Variants in CLSTN2 observed in about 807,000 individuals in gnomAD.
CLSTN2 encodes calsyntenin-2.
Under a neutral mutation model 101.2 loss-of-function variants are expected in CLSTN2, and 48 were observed. That is an observed-to-expected ratio of 0.47 (90% CI 0.38 to 0.60). The LOEUF (loss-of-function observed/expected upper bound fraction) is 0.60. Ranked by LOEUF, CLSTN2 falls within the 20% of genes least tolerant of loss-of-function variation. CLSTN2 has a pLI of 0.00. For synonymous variants in CLSTN2, 481 were observed against 463.6 expected (o/e 1.04, Z -0.48); for missense variants, 1,160 against 1,238.2 (o/e 0.94, Z 0.95).
chr3:139,982,518 C>T (rs1228435187), intron 1 of CLSTN2, among the ~76,000 whole-genome samples: 3 of 152,024 alleles, frequency 2.0e-5, no homozygotes, highest in African/African-American at 7.2e-5. Flanking sequence ...CTCAGAGAGG[C>T]TTCTTTATTT....
chr3:140,169,559 G>A lies in CLSTN2; in HGVS notation c.110-6392G>A, dbSNP rs138533242. Among the ~76,000 whole-genome samples the A allele has an allele frequency of 1.5e-3, 224 of 152,246 alleles. 1 individual carries two copies. Among genetic ancestry groups the A allele is most frequent in the African/African-American group, 5.2e-3 (216 of 41,566 alleles). The stretch of plus-strand genomic sequence containing the variant: ...TATTCTTCCTGTTCTTGGAAGGAAA[G>A]CATTTATTCTTTCACCATTAAGTAT... On this transcript the variant is annotated intron_variant, in intron 1 of 16. Transcript: ENST00000458420.
chr3:140,329,123 A>G (rs2087358262), intron 2 of CLSTN2, among the ~76,000 whole-genome samples: 1 of 152,190 alleles, frequency 6.6e-6, no homozygotes, highest in African/African-American at 2.4e-5. Context: ...ATGGTGGCTT[A>G]TGCCTGTAAT....
intron 1 of CLSTN2, among the ~76,000 whole-genome samples, chr3:140,095,031 T>C (rs2008846013): frequency 6.6e-6 from 1 of 152,206 alleles, no homozygotes; most frequent in South Asian, 2.1e-4. Flanking sequence ...GTAGATTTTA[T>C]TGATGGCATG....
At chr3:140,344,567 G>A (rs909716034) in intron 2 of CLSTN2, among the ~76,000 whole-genome samples, 12 of 152,056 alleles carry the variant, frequency 7.9e-5, no homozygotes, top group African/African-American at 2.9e-4. Flanking sequence ...CCTTTGACCT[G>A]AAATACCCTC....
At chr3:140,529,772 C>A (rs1192741062) in intron 8 of CLSTN2, among the ~76,000 whole-genome samples, 1 of 152,330 alleles carries the variant, frequency 6.6e-6, no homozygotes, top group Non-Finnish European at 1.5e-5. Flanking sequence ...AGCATTCCTA[C>A]CTTTGACTCT....
Position 140,404,636 on chromosome 3 carries a change from G to A in CLSTN2, c.507G>A (p.Val169=). Residue 169 remains valine, a synonymous_variant, in exon 4 of 17, where the codon GTG becomes GTA. Coordinates refer to ENST00000458420, the MANE Select transcript of CLSTN2 (RefSeq NM_022131.3). ...AAGAGCCAGCCTACAAGGCTGTTGTGACGGAGGGCAAGATCTATGACAGCA... is the reference window on the plus strand; with the variant it reads ...AAGAGCCAGCCTACAAGGCTGTTGTAACGGAGGGCAAGATCTATGACAGCA... ...TFKEPAYKAV[V]TEGKIYDSIL... is the part of the protein sequence containing the mutation. 1.2e-6 allele frequency: 2 copies of A among 1,614,216 alleles called. No homozygotes were observed. Among genetic ancestry groups the A allele is most frequent in the Non-Finnish European group, 1.7e-6 (2 of 1,180,032 alleles).
chr3:139,969,575 A>C (rs1269899394), intron 1 of CLSTN2, among the ~76,000 whole-genome samples: 1 of 152,102 alleles, frequency 6.6e-6, no homozygotes, highest in Non-Finnish European at 1.5e-5. Flanking sequence ...CCATCACTGC[A>C]CCCACCTGTC....
chr3:140,344,499 A>C (rs2087523399), intron 2 of CLSTN2, among the ~76,000 whole-genome samples: 2 of 152,174 alleles, frequency 1.3e-5, no homozygotes, highest in African/African-American at 4.8e-5. Flanking sequence ...TATCACACCC[A>C]GTCCCTTTTC....
chr3:140,075,675 G>T (rs560609599), intron 1 of CLSTN2, among the ~76,000 whole-genome samples: 1 of 152,160 alleles, frequency 6.6e-6, no homozygotes, highest in African/African-American at 2.4e-5. Context: ...GTGTCAAGAA[G>T]CTATTATGTG....
At chr3:140,028,908 G>GCCTTA (rs1352817833) in intron 1 of CLSTN2, among the ~76,000 whole-genome samples, 1 of 152,100 alleles carries the variant, frequency 6.6e-6, no homozygotes, top group Admixed American at 6.5e-5. Flanking sequence ...CTCCACTGCT[G>GCCTTA]GTGCCCTAGT....
intron 1 of CLSTN2, among the ~76,000 whole-genome samples, chr3:140,131,337 AT>A (rs1371751706): frequency 1.3e-5 from 2 of 151,860 alleles, no homozygotes; most frequent in Non-Finnish European, 2.9e-5. Context: ...CTCTAAGGTC[AT>A]TTTTTGGCTC....
In CLSTN2 at chr3:140,147,919, C is replaced by T. The variant is rs1378815662; in HGVS notation, c.110-28032C>T. Among the ~76,000 whole-genome samples, 6 of 152,346 alleles carry T rather than the reference C, an allele frequency of 3.9e-5. No homozygotes were observed. In the South Asian group the frequency reaches 1.2e-3, roughly 32 times the overall value. On this transcript the variant is annotated intron_variant, in intron 1 of 16. Coordinates refer to ENST00000458420, the MANE Select transcript of CLSTN2 (RefSeq NM_022131.3). The stretch of plus-strand genomic sequence containing the variant: ...AGAGAATGTCACTGAGGTCAGATAA[C>T]TTGCCTGAATTCATCTTGTATGAGT...
At position 140,571,419 on chromosome 3, in the gene CLSTN2, G is replaced by A. The variant is rs1985545932; in HGVS notation, c.*5166G>A. 6.6e-6 allele frequency: 1 copy of A among 152,214 alleles called. No individual in the cohort carries two copies. The highest frequency in any genetic ancestry group is 1.9e-4 in the East Asian group (1 of 5,196). The allele number at this position is 152,214 out of a possible 1,614,324, so 9.4% of individuals were successfully genotyped here. A position where few individuals can be genotyped will look rare whatever the true frequency, so the allele number is the denominator to read the frequency against. On this transcript the variant is annotated 3_prime_UTR_variant, in exon 17 of 17. Transcript: ENST00000458420. The stretch of plus-strand genomic sequence containing the variant: ...ATAGTTTTTACAAAAAAGTAGGTAA[G>A]TGGGTTTAATTCTTTGAAAGTATTT...
At chr3:139,971,118 G>C (rs1054065759) in intron 1 of CLSTN2, among the ~76,000 whole-genome samples, 15 of 152,180 alleles carry the variant, frequency 9.9e-5, no homozygotes, top group Admixed American at 8.5e-4. Context: ...TTTGATGCCA[G>C]AGAAAAGAAG....
intron 8 of CLSTN2, among the ~76,000 whole-genome samples, chr3:140,490,600 A>G (rs1052763467): frequency 1.3e-5 from 2 of 151,244 alleles, no homozygotes; most frequent in Non-Finnish European, 3.0e-5. Flanking sequence ...GTCTCAGAAA[A>G]AAAAAAAAAA....
At chr3:140,374,953 G>A (rs537148273) in intron 2 of CLSTN2, among the ~76,000 whole-genome samples, 4 of 152,314 alleles carry the variant, frequency 2.6e-5, no homozygotes, top group African/African-American at 9.6e-5. Context: ...TAAAGCCTTT[G>A]CATTTTGCAG....
chr3:140,063,731 C>G (rs757350071), intron 1 of CLSTN2, among the ~76,000 whole-genome samples: 1 of 152,186 alleles, frequency 6.6e-6, no homozygotes, highest in Non-Finnish European at 1.5e-5. Context: ...CCTTCAGTAT[C>G]TTGTCACCCT....
chr3:140,241,062 T>C (rs945557873), intron 2 of CLSTN2, among the ~76,000 whole-genome samples: 3 of 152,140 alleles, frequency 2.0e-5, no homozygotes, highest in Non-Finnish European at 4.4e-5. Context: ...AGCTTAGAAA[T>C]CGTGACTTGT....
rs1161245547 is a variant in CLSTN2 at position 140,381,291 on chromosome 3, A to T, written c.233-22338A>T. Among the ~76,000 whole-genome samples, 5 of 152,034 alleles carry T rather than the reference A, an allele frequency of 3.3e-5. No individual in the cohort carries two copies. The East Asian group carries it at 9.6e-4, about 29-fold the overall frequency. On this transcript the variant is annotated intron_variant, in intron 2 of 16. Coordinates refer to ENST00000458420, the MANE Select transcript of CLSTN2 (RefSeq NM_022131.3). Reference sequence around the variant, plus strand: ...ACATAGTCATATTGGATTAGAGCCCACCCTAGTGACTTCATTTTAACCTGA... The same window carrying T: ...ACATAGTCATATTGGATTAGAGCCCTCCCTAGTGACTTCATTTTAACCTGA...
Sources: gnomAD v4.1 joint callset for allele counts (sites outside exome capture counted in the v4.1 genomes callset) on GRCh38, gnomAD v4.1.1 for gene constraint, MANE v1.5 for transcripts, NCBI Gene and HGNC (gene_info 2026-07-23, HGNC 2026-07-21) for gene names.